Variants in EPHA5 observed in about 807,000 individuals in gnomAD.
EPHA5 encodes ephrin type-A receptor 5.
Under a neutral mutation model 105.0 loss-of-function variants are expected in EPHA5, and 60 were observed. That is an observed-to-expected ratio of 0.57 (90% CI 0.46 to 0.71). The LOEUF is 0.71. Among genes scored for constraint, EPHA5 ranks in the 30% least tolerant of loss-of-function variants. EPHA5 has a pLI of 0.00. For synonymous variants in EPHA5, 513 were observed against 449.1 expected (o/e 1.14, Z -1.80); for missense variants, 1,218 against 1,274.7 (o/e 0.96, Z 0.68).
Position 65,669,686 on chromosome 4 carries a change from G to A in EPHA5, c.57C>T (p.Gly19=), listed in dbSNP as rs2149571873. 4 of 1,315,012 alleles carry A rather than the reference G, an allele frequency of 3.0e-6. No individual in the cohort carries two copies. The highest frequency in any genetic ancestry group is 2.4e-5 in the South Asian group (1 of 42,066). The allele number at this position is 1,315,012 out of a possible 1,614,324, so 81.5% of individuals were successfully genotyped here. ...GGGACGCTGGGGTGATGGGGGTGTC[G>A]CCGCCGCCGCTTGGGGGCCGCCGGC... ...AGRRRPPSGG[G]DTPITPASLA... is the part of the protein sequence containing the mutation. Residue 19 remains glycine (G), a synonymous_variant, in exon 1 of 17, where the codon GGC becomes GGT. Coordinates refer to ENST00000613740, the MANE Select transcript of EPHA5 (RefSeq NM_001281766.3).
chr4:65,390,322 G>A (rs1720583232), intron 8 of EPHA5, among the ~76,000 whole-genome samples: 1 of 151,886 alleles, frequency 6.6e-6, no homozygotes, highest in South Asian at 2.1e-4. Flanking sequence ...TCTTCTATAA[G>A]CCCAAAGTTT....
At chr4:65,612,041 G>GAAAAA (rs1560772566) in intron 2 of EPHA5, among the ~76,000 whole-genome samples, 1 of 119,574 alleles carries the variant, frequency 8.4e-6, no homozygotes, top group Non-Finnish European at 1.7e-5. Flanking sequence ...AAAAAAAAAG[G>GAAAAA]AAAGAAAAGA....
chr4:65,432,735 T>C (rs1725100503), intron 5 of EPHA5, among the ~76,000 whole-genome samples: 1 of 151,912 alleles, frequency 6.6e-6, no homozygotes, highest in African/African-American at 2.4e-5. Flanking sequence ...ACCCAGCTAG[T>C]TTATTTATTT....
At chr4:65,595,845 G>A (rs1743125451) in intron 3 of EPHA5, among the ~76,000 whole-genome samples, 1 of 152,152 alleles carries the variant, frequency 6.6e-6, no homozygotes, top group South Asian at 2.1e-4. Flanking sequence ...CTCCCAAAGT[G>A]CTGGGATTAC....
intron 8 of EPHA5, among the ~76,000 whole-genome samples, chr4:65,396,705 C>A (rs898913304): frequency 2.0e-5 from 3 of 152,170 alleles, no homozygotes; most frequent in African/African-American, 4.8e-5. Context: ...AATCCCACTG[C>A]CTTCCTGGAA....
At chr4:65,376,360 C>G (rs181989083) in intron 8 of EPHA5, among the ~76,000 whole-genome samples, 1 of 151,872 alleles carries the variant, frequency 6.6e-6, no homozygotes, top group Non-Finnish European at 1.5e-5. Flanking sequence ...AATCGTAACC[C>G]CAGATGTATA....
At chr4:65,559,541 T>C (rs1360816218) in intron 3 of EPHA5, among the ~76,000 whole-genome samples, 2 of 152,172 alleles carry the variant, frequency 1.3e-5, no homozygotes, top group South Asian at 2.1e-4. Context: ...TTCTCTGTGA[T>C]GTCTCTGCAA....
In EPHA5 at chr4:65,451,712, C is replaced by A. The variant is rs553786645; in HGVS notation, c.1403-31147G>T. On this transcript the variant is annotated intron_variant, in intron 5 of 16. Transcript: ENST00000613740. Reference sequence around the variant, plus strand: ...ATAATAGCACTGACAAGGCAAGATTCCTAGAATAACCTAAATAGGCCTAAT... The same window carrying A: ...ATAATAGCACTGACAAGGCAAGATTACTAGAATAACCTAAATAGGCCTAAT... Among the ~76,000 whole-genome samples the A allele has an allele frequency of 3.3e-5, 5 of 152,106 alleles. No homozygotes were observed. The East Asian group carries it at 9.7e-4, about 29-fold the overall frequency.
chr4:65,590,653 AAGAG>A (rs1044001653), intron 3 of EPHA5, among the ~76,000 whole-genome samples: 10 of 152,124 alleles, frequency 6.6e-5, no homozygotes, highest in African/African-American at 2.2e-4. Context: ...ATTGGAGAGA[AAGAG>A]AGAGAGACAA....
intron 3 of EPHA5, among the ~76,000 whole-genome samples, chr4:65,515,648 C>T (rs1166449634): frequency 6.6e-6 from 1 of 152,034 alleles, no homozygotes; most frequent in Non-Finnish European, 1.5e-5. Flanking sequence ...TATATAGAAA[C>T]ACAATCTATT....
At chr4:65,574,830 C>T (rs1272410253) in intron 3 of EPHA5, among the ~76,000 whole-genome samples, 1 of 148,304 alleles carries the variant, frequency 6.7e-6, no homozygotes, top group Non-Finnish European at 1.5e-5. Context: ...GTAAAAATTC[C>T]ATCACTAATA....
chr4:65,409,397 G>A (rs1722707225), intron 7 of EPHA5, among the ~76,000 whole-genome samples: 1 of 150,028 alleles, frequency 6.7e-6, no homozygotes, highest in South Asian at 2.1e-4. Flanking sequence ...CCGGAAAAAA[G>A]GTAATATTCT....
intron 4 of EPHA5, among the ~76,000 whole-genome samples, chr4:65,492,327 G>T (rs1484997070): frequency 6.6e-6 from 1 of 151,438 alleles, no homozygotes; most frequent in Non-Finnish European, 1.5e-5. Context: ...TCAGCCTCCC[G>T]AGTAGCTGGA....
chr4:65,647,261 G>A (rs1033932184), intron 1 of EPHA5, among the ~76,000 whole-genome samples: 6 of 150,064 alleles, frequency 4.0e-5, no homozygotes, highest in Admixed American at 1.3e-4. Flanking sequence ...CCTGGGAGGC[G>A]GAGCTTGCAG....
At chr4:65,463,164 A>G (rs2149135273) in intron 5 of EPHA5, among the ~76,000 whole-genome samples, 1 of 152,286 alleles carries the variant, frequency 6.6e-6, no homozygotes, top group East Asian at 1.9e-4. Flanking sequence ...TTTGCCACTT[A>G]CAATATATGT....
chr4:65,371,771 A>G (rs1004609324), intron 8 of EPHA5, among the ~76,000 whole-genome samples: 1 of 152,012 alleles, frequency 6.6e-6, no homozygotes, highest in Non-Finnish European at 1.5e-5. Context: ...AGATCTTTCC[A>G]TTGCTTTAGT....
chr4:65,352,691 G>A (rs148049353), intron 12 of EPHA5, among the ~76,000 whole-genome samples: 16 of 151,800 alleles, frequency 1.1e-4, no homozygotes, highest in Non-Finnish European at 1.5e-4. Flanking sequence ...AGAGAAAATC[G>A]AACACTTGTA....
intron 2 of EPHA5, among the ~76,000 whole-genome samples, chr4:65,625,422 T>A (rs1010098593): frequency 6.6e-6 from 1 of 152,222 alleles, no homozygotes; most frequent in African/African-American, 2.4e-5. Context: ...CACAGGCAGA[T>A]ACAATCATAC....
intron 5 of EPHA5, among the ~76,000 whole-genome samples, chr4:65,456,356 G>T (rs1727586279): frequency 1.3e-5 from 2 of 151,546 alleles, no homozygotes. Context: ...TGGAAGAAAA[G>T]GAAACAGTAG....
Sources: gnomAD v4.1 joint callset for allele counts (sites outside exome capture counted in the v4.1 genomes callset) on GRCh38, gnomAD v4.1.1 for gene constraint, MANE v1.5 for transcripts, NCBI Gene and HGNC (gene_info 2026-07-23, HGNC 2026-07-21) for gene names.